ABLIM1: variants seen among roughly 807,000 people sequenced by gnomAD.
ABLIM1 encodes actin binding LIM protein 1.
Under a neutral mutation model 107.0 loss-of-function variants are expected in ABLIM1, and 40 were observed. The ratio of observed to expected loss-of-function variants is 0.37; its 90% CI spans 0.29 to 0.49. The LOEUF is 0.49. Ranked by LOEUF, ABLIM1 falls within the 20% of genes least tolerant of loss-of-function variation. ABLIM1 has a pLI of 0.97. For synonymous variants in ABLIM1, 357 were observed against 357.3 expected (o/e 1.00, Z 0.01); for missense variants, 857 against 1,008.5 (o/e 0.85, Z 2.04).
chr10:114,437,987 C>T, intron 21 of ABLIM1, 63 bp from the exon 22 acceptor site: 1 of 1,457,202 alleles, frequency 6.9e-7, no homozygotes, highest in South Asian at 1.1e-5. Flanking sequence ...AAGCAGAATC[C>T]ACCTAAACGC....
intron 2 of ABLIM1, among the ~76,000 whole-genome samples, chr10:114,596,034 G>A (rs1462039270): frequency 6.6e-6 from 1 of 152,126 alleles, no homozygotes; most frequent in Non-Finnish European, 1.5e-5. Flanking sequence ...TTCTTAGTTG[G>A]TGGCAACTCC....
intron 1 of ABLIM1, among the ~76,000 whole-genome samples, chr10:114,752,645 G>A (rs566394435): frequency 5.3e-5 from 8 of 152,254 alleles, no homozygotes; most frequent in Admixed American, 3.3e-4. Context: ...CTGTGTCTAT[G>A]TGTTCTCATT....
At chr10:114,587,579 A>G (rs2483580) in intron 2 of ABLIM1, among the ~76,000 whole-genome samples, 118,156 of 152,026 alleles carry the variant, frequency 0.78, 46,892 homozygotes, top group African/African-American at 0.93. Flanking sequence ...TCTTTTCAAG[A>G]ACAATAGGAG....
At chr10:114,768,545 C>T (rs2082961404), upstream of ABLIM1, among the ~76,000 whole-genome samples, 1 of 152,148 alleles carries the variant, frequency 6.6e-6, no homozygotes, top group African/African-American at 2.4e-5. Context: ...TAAGTGATGC[C>T]CTTGACAGGA....
At chr10:114,779,531 TTTTC>T in the ABLIM1 span, 1 of 152,242 alleles carries the variant, frequency 6.6e-6, no homozygotes, top group African/African-American at 2.4e-5. Context: ...TTCAAGATCT[TTTTC>T]TTTGTTTACA....
chr10:114,632,697 T>A (rs939370345), intron 1 of ABLIM1: 4 of 985,380 alleles, frequency 4.1e-6, no homozygotes, highest in Non-Finnish European at 4.8e-6. Flanking sequence ...GGATCAAAGT[T>A]AAAATCTGAT....
At chr10:114,658,747 A>G (rs1004188446), upstream of ABLIM1, among the ~76,000 whole-genome samples, 4 of 152,182 alleles carry the variant, frequency 2.6e-5, no homozygotes, top group African/African-American at 9.7e-5. Context: ...ATAGTAAACG[A>G]TCATTTCCTT....
chr10:114,798,858 C>T, the ABLIM1 span, among the ~76,000 whole-genome samples: 6 of 151,870 alleles, frequency 4.0e-5, no homozygotes, highest in Non-Finnish European at 5.9e-5. Flanking sequence ...TGCAGTGGCG[C>T]GATCTCAGCT....
Position 114,595,454 on chromosome 10 carries a change from A to G in ABLIM1, c.379+6373T>C, listed in dbSNP as rs2075322580. ...AGCGTAAAATACAACCATGATACAG[A>G]CAAAGTAAAACATTAAAAACCTATC... On this transcript the variant is annotated intron_variant, in intron 2 of 22. Coordinates refer to ENST00000533213, the MANE Select transcript of ABLIM1 (RefSeq NM_002313.7). 2.6e-5 allele frequency among the ~76,000 whole-genome samples: 4 copies of G among 152,332 alleles called. No homozygotes were observed. In the South Asian group the frequency reaches 8.3e-4, roughly 32 times the overall value.
intron 12 of ABLIM1, among the ~76,000 whole-genome samples, chr10:114,457,150 C>T (rs1196070532): frequency 6.6e-6 from 1 of 152,154 alleles, no homozygotes; most frequent in East Asian, 1.9e-4. Context: ...GTACCAAATT[C>T]TTAGCCCTTG....
At chr10:114,498,510 C>CT (rs1297775470) in intron 6 of ABLIM1, among the ~76,000 whole-genome samples, 1 of 152,210 alleles carries the variant, frequency 6.6e-6, no homozygotes, top group Non-Finnish European at 1.5e-5. Flanking sequence ...TGATAACCTG[C>CT]TTAGCTCCTG....
intron 1 of ABLIM1, among the ~76,000 whole-genome samples, chr10:114,620,318 G>A (rs1482419397): frequency 6.6e-6 from 1 of 152,180 alleles, no homozygotes; most frequent in African/African-American, 2.4e-5. Flanking sequence ...TCTTCCTGGG[G>A]TAGGCATGGT....
intron 4 of ABLIM1, among the ~76,000 whole-genome samples, chr10:114,567,909 G>A (rs2070997697): frequency 1.3e-5 from 2 of 151,982 alleles, no homozygotes; most frequent in East Asian, 1.9e-4. Context: ...GGCTACTTTC[G>A]GCCGGGCGCG....
chr10:114,440,307 G>A (rs1275184275), intron 19 of ABLIM1, among the ~76,000 whole-genome samples: 6 of 152,142 alleles, frequency 3.9e-5, no homozygotes, highest in African/African-American at 1.4e-4. Context: ...TTTTCCCCTG[G>A]AAGCTTTCGC....
At chr10:114,765,650 C>A (rs981469887) in intron 1 of ABLIM1, among the ~76,000 whole-genome samples, 1 of 152,176 alleles carries the variant, frequency 6.6e-6, no homozygotes, top group Admixed American at 6.5e-5. Context: ...CATTTCTAGA[C>A]AAACTCAACT....
chr10:114,716,597 T>C (rs186839227), intron 1 of ABLIM1, among the ~76,000 whole-genome samples: 2 of 152,316 alleles, frequency 1.3e-5, no homozygotes, highest in Admixed American at 1.3e-4. Flanking sequence ...ATATACTTCA[T>C]CTGAACACAC....
intron 1 of ABLIM1, among the ~76,000 whole-genome samples, chr10:114,676,765 AGTCTCT>A (rs2080505114): frequency 3.9e-5 from 6 of 151,938 alleles, no homozygotes; most frequent in African/African-American, 1.5e-4. Context: ...TTTGAGATGG[AGTCTCT>A]GTCACCCAGG....
chr10:114,701,999 A>AT (rs953406386), intron 1 of ABLIM1, among the ~76,000 whole-genome samples: 2 of 152,128 alleles, frequency 1.3e-5, no homozygotes, highest in East Asian at 1.9e-4. Flanking sequence ...TCATTATACT[A>AT]TTTTTTTATT....
At chr10:114,489,853 T>A (rs2134963483) in intron 7 of ABLIM1, among the ~76,000 whole-genome samples, 1 of 152,334 alleles carries the variant, frequency 6.6e-6, no homozygotes, top group Middle Eastern at 3.4e-3. Flanking sequence ...GAAGCACAAC[T>A]CCAGAAGGTT....
Sources: gnomAD v4.1 joint callset for allele counts (sites outside exome capture counted in the v4.1 genomes callset) on GRCh38, gnomAD v4.1.1 for gene constraint, MANE v1.5 for transcripts, NCBI Gene and HGNC (gene_info 2026-07-23, HGNC 2026-07-21) for gene names.